CNTN5: variants seen among roughly 807,000 people sequenced by gnomAD.
The protein encoded by CNTN5 is contactin 5, also known as contactin-5.
A neutral mutation model predicts 129.1 loss-of-function variants in CNTN5; 77 were observed. That is an observed-to-expected ratio of 0.60 (90% CI 0.50 to 0.72). The LOEUF is 0.72. CNTN5 is among the 30% of genes least tolerant of loss of function. CNTN5 has a pLI of 0.00. For synonymous variants in CNTN5, 509 were observed against 465.6 expected (o/e 1.09, Z -1.20); for missense variants, 1,478 against 1,328.8 (o/e 1.11, Z -1.75).
intron 4 of CNTN5, among the ~76,000 whole-genome samples, chr11:99,840,163 C>T (rs914507913): frequency 4.6e-5 from 7 of 152,018 alleles, no homozygotes; most frequent in African/African-American, 4.8e-5. Context: ...TCCATTGTTA[C>T]CAGAGGGTGG....
intron 21 of CNTN5, chr11:100,309,499 C>T (rs1951426685): frequency 2.1e-6 from 2 of 968,776 alleles, no homozygotes; most frequent in South Asian, 4.8e-5. Flanking sequence ...ATATCATGGA[C>T]TTATTTCTAC....
chr11:99,645,339 A>C (rs971184610), intron 3 of CNTN5, among the ~76,000 whole-genome samples: 1 of 149,954 alleles, frequency 6.7e-6, no homozygotes, highest in Admixed American at 6.6e-5. Context: ...CTGAGGATGT[A>C]TATGTTTGTC....
Position 99,956,876 on chromosome 11 carries a change from C to T in CNTN5, c.744C>T (p.Ser248=). 6.2e-7 allele frequency: 1 copy of T among 1,613,816 alleles called. No individual in the cohort carries two copies. Among genetic ancestry groups the T allele is most frequent in the Non-Finnish European group, 8.5e-7 (1 of 1,179,832 alleles). The part of the protein sequence containing the change: ...FVAEDSRRFI[S]QETGNLYISK... ...CGGAAGACAGCCGGCGGTTCATCTCCCAGGAGACAGGCAACCTTTATATTT... is the reference window on the plus strand; with the variant it reads ...CGGAAGACAGCCGGCGGTTCATCTCTCAGGAGACAGGCAACCTTTATATTT... Residue 248 remains serine, a synonymous_variant, in exon 8 of 25, where the codon TCC becomes TCT. Transcript: ENST00000524871.
chr11:99,172,755 T>C (rs186264555), intron 1 of CNTN5, among the ~76,000 whole-genome samples: 6 of 152,354 alleles, frequency 3.9e-5, no homozygotes, highest in African/African-American at 1.2e-4. Flanking sequence ...AAATCTGTCC[T>C]AGTTGGGGAA....
intron 6 of CNTN5, among the ~76,000 whole-genome samples, chr11:99,855,097 C>G (rs1947992323): frequency 6.6e-6 from 1 of 152,142 alleles, no homozygotes; most frequent in African/African-American, 2.4e-5. Flanking sequence ...TCACTTGAGG[C>G]TAGGAGTTCA....
chr11:99,063,181 A>G (rs1469769351), intron 1 of CNTN5, among the ~76,000 whole-genome samples: 7 of 152,100 alleles, frequency 4.6e-5, no homozygotes, highest in Non-Finnish European at 1.5e-5. Context: ...AATTTATCAC[A>G]GCCAGTAAAA....
intron 3 of CNTN5, among the ~76,000 whole-genome samples, chr11:99,750,997 T>C (rs748137282): frequency 2.6e-5 from 4 of 152,200 alleles, no homozygotes; most frequent in Non-Finnish European, 4.4e-5. Context: ...AACTGAAGTG[T>C]TAACCTCATC....
chr11:100,153,369 CAGA>C (rs1483988511), intron 13 of CNTN5, among the ~76,000 whole-genome samples: 3 of 151,994 alleles, frequency 2.0e-5, no homozygotes. Context: ...TGTTCTTAAT[CAGA>C]AGGTTATGTG....
At chr11:99,767,595 C>T (rs1944797462) in intron 3 of CNTN5, among the ~76,000 whole-genome samples, 1 of 146,448 alleles carries the variant, frequency 6.8e-6, no homozygotes. Context: ...CTTATTTTCC[C>T]ATTGATTACT....
chr11:100,001,272 C>T (rs1211823000), intron 8 of CNTN5, among the ~76,000 whole-genome samples: 4 of 152,136 alleles, frequency 2.6e-5, no homozygotes, highest in Admixed American at 1.3e-4. Flanking sequence ...AACAGGGAAA[C>T]TGCCACTTTT....
rs139318528 is a variant in CNTN5, at chr11:99,105,529, T to A, written c.-210+84259T>A. ...ATATTCCTACAACATACTTAGCATC[T>A]AGTCATGCAGCAACTCTTAAGAGAT... is the stretch of plus-strand genomic sequence containing the variant. On this transcript the variant is annotated intron_variant, in intron 1 of 24. Transcript: ENST00000524871. 2.8e-3 allele frequency among the ~76,000 whole-genome samples: 427 copies of A among 152,252 alleles called. 1 individual carries two copies. The highest frequency in any genetic ancestry group is 0.01 in the African/African-American group (416 of 41,552).
chr11:100,058,085 T>A (rs552426023), intron 9 of CNTN5, among the ~76,000 whole-genome samples: 1 of 152,264 alleles, frequency 6.6e-6, no homozygotes, highest in South Asian at 2.1e-4. Flanking sequence ...TGATTAAGAC[T>A]GTTTTAAACT....
rs140100479 is a variant in CNTN5, at chr11:99,849,975, T to G, written c.577+4713T>G. ...TTAAAAATCTTACATGCTTGCTTCC[T>G]CAGTCATCATTTTAGAATTTATTAA... On this transcript the variant is annotated intron_variant, in intron 6 of 24. Coordinates refer to ENST00000524871, the MANE Select transcript of CNTN5 (RefSeq NM_014361.4). Among the ~76,000 whole-genome samples the G allele has an allele frequency of 8.0e-3, 1,216 of 152,252 alleles. 17 individuals carry two copies. Among genetic ancestry groups the G allele is most frequent in the African/African-American group, 0.028 (1,159 of 41,576 alleles).
intron 3 of CNTN5, among the ~76,000 whole-genome samples, chr11:99,689,058 A>G (rs1344910782): frequency 6.6e-6 from 1 of 152,082 alleles, no homozygotes; most frequent in African/African-American, 2.4e-5. Flanking sequence ...ATAGTGCTCT[A>G]ATGAATACAC....
chr11:100,291,899 C>G (rs568305873), intron 18 of CNTN5, among the ~76,000 whole-genome samples: 4 of 150,786 alleles, frequency 2.7e-5, no homozygotes, highest in African/African-American at 9.7e-5. Flanking sequence ...CAAACAACAA[C>G]AAAAAAAAGG....
chr11:99,673,384 G>A (rs1953130842), intron 3 of CNTN5, among the ~76,000 whole-genome samples: 1 of 152,118 alleles, frequency 6.6e-6, no homozygotes, highest in Admixed American at 6.5e-5. Flanking sequence ...ACAGAGTCAT[G>A]GTACGGATTC....
At chr11:99,742,710 T>C (rs535684988) in intron 3 of CNTN5, among the ~76,000 whole-genome samples, 5 of 152,186 alleles carry the variant, frequency 3.3e-5, no homozygotes, top group Admixed American at 1.3e-4. Context: ...ATAAGAAATT[T>C]ACGCTGGATC....
At chr11:99,181,303 T>G (rs1260532830) in intron 1 of CNTN5, among the ~76,000 whole-genome samples, 1 of 152,184 alleles carries the variant, frequency 6.6e-6, no homozygotes, top group African/African-American at 2.4e-5. Context: ...AGAGTTCTAC[T>G]ATAATTGTAT....
chr11:99,833,056 T>A (rs1947194929), intron 4 of CNTN5, among the ~76,000 whole-genome samples: 1 of 152,212 alleles, frequency 6.6e-6, no homozygotes, highest in South Asian at 2.1e-4. Context: ...ATGATAATGT[T>A]GGGTCATGAT....
Sources: gnomAD v4.1 joint callset for allele counts (sites outside exome capture counted in the v4.1 genomes callset) on GRCh38, gnomAD v4.1.1 for gene constraint, MANE v1.5 for transcripts, NCBI Gene and HGNC (gene_info 2026-07-23, HGNC 2026-07-21) for gene names.